The following TTBK2 variants were observed in gnomAD, a reference collection of about 807,000 sequenced individuals.
TTBK2 encodes the protein tau tubulin kinase 2.
In TTBK2, 28 loss-of-function variants were observed where a neutral mutation model predicts 110.8. The observed-to-expected ratio is 0.25, with a 90% CI of 0.19 to 0.35. TTBK2 has a LOEUF of 0.35. TTBK2 is among the 10% of genes least tolerant of loss of function. The pLI, the probability that TTBK2 is intolerant of heterozygous loss-of-function variation, is 1.00. For synonymous variants in TTBK2, 532 were observed against 527.3 expected (o/e 1.01, Z -0.12); for missense variants, 1,369 against 1,500.3 (o/e 0.91, Z 1.45).
chr15:42,862,362 C>T (rs1894191644), intron 3 of TTBK2, among the ~76,000 whole-genome samples: 1 of 152,172 alleles, frequency 6.6e-6, no homozygotes, highest in African/African-American at 2.4e-5. Context: ...CCAAATCCAG[C>T]AGCACATCCA....
At chr15:42,753,473 C>A (rs1431656066) in intron 13 of TTBK2, among the ~76,000 whole-genome samples, 1 of 152,172 alleles carries the variant, frequency 6.6e-6, no homozygotes, top group Non-Finnish European at 1.5e-5. Context: ...AGGTTTATCC[C>A]TGCCCCTTCT....
In TTBK2 at chr15:42,854,647, G is replaced by GA. The variant is rs11347978; in HGVS notation, c.218-14215dup. Among the ~76,000 whole-genome samples the GA allele has an allele frequency of 9.2e-3, 1,122 of 121,430 alleles. 3 individuals are homozygous for GA. The highest frequency in any genetic ancestry group is 0.015 in the South Asian group (59 of 3,830). The allele number at this position is 121,430 out of a possible 152,430, so 79.7% of individuals were successfully genotyped here. A position where few individuals can be genotyped will look rare whatever the true frequency, so the allele number is the denominator to read the frequency against. ...ACATTAGACCAACCTATATGCAAGAGAAAAAAAAAAAAAACCTCAAATCCT... is the reference window on the plus strand; with the variant it reads ...ACATTAGACCAACCTATATGCAAGAGAAAAAAAAAAAAAAACCTCAAATCCT... On this transcript the variant is annotated intron_variant, in intron 3 of 14. Transcript: ENST00000267890.
intron 13 of TTBK2, among the ~76,000 whole-genome samples, chr15:42,759,537 A>C (rs879711276): frequency 6.6e-6 from 1 of 152,208 alleles, no homozygotes; most frequent in African/African-American, 2.4e-5. Flanking sequence ...TGGCTGACCC[A>C]CTTGTCTGCA....
At chr15:42,783,319 G>T in intron 11 of TTBK2, 100 bp downstream of exon 11, 1 of 1,153,314 alleles carries the variant, frequency 8.7e-7, no homozygotes, top group Non-Finnish European at 1.3e-6. Flanking sequence ...CCACAAAACA[G>T]CCCTCACCAG....
intron 3 of TTBK2, among the ~76,000 whole-genome samples, chr15:42,844,098 G>A (rs1406024879): frequency 1.3e-5 from 2 of 152,134 alleles, no homozygotes; most frequent in Non-Finnish European, 2.9e-5. Flanking sequence ...TAAACTCTCT[G>A]CTGCAACACC....
At chr15:42,898,540 A>T (rs1006317922) in intron 1 of TTBK2, among the ~76,000 whole-genome samples, 1 of 152,142 alleles carries the variant, frequency 6.6e-6, no homozygotes, top group African/African-American at 2.4e-5. Flanking sequence ...AAAAGAAAAA[A>T]AAAGCATTGA....
intron 1 of TTBK2, among the ~76,000 whole-genome samples, chr15:42,908,686 C>T (rs575958000): frequency 2.5e-4 from 38 of 152,244 alleles, no homozygotes; most frequent in South Asian, 8.3e-4. Flanking sequence ...AGGGAATGTA[C>T]TTTGAAAATG....
intron 3 of TTBK2, among the ~76,000 whole-genome samples, chr15:42,851,886 A>T (rs1893730596): frequency 6.6e-6 from 1 of 151,950 alleles, no homozygotes; most frequent in Non-Finnish European, 1.5e-5. Flanking sequence ...GACCATTTAC[A>T]CTCTTAAAAA....
At chr15:42,847,865 T>C (rs1893531721) in intron 3 of TTBK2, among the ~76,000 whole-genome samples, 1 of 152,238 alleles carries the variant, frequency 6.6e-6, no homozygotes, top group Admixed American at 6.5e-5. Context: ...TTATATTTTA[T>C]ATTTTTAGAC....
At chr15:42,813,664 G>A (rs750843005) in intron 7 of TTBK2, among the ~76,000 whole-genome samples, 1 of 152,104 alleles carries the variant, frequency 6.6e-6, no homozygotes, top group Non-Finnish European at 1.5e-5. Context: ...AGGCAACACA[G>A]TGAAACCCCG....
intron 3 of TTBK2, among the ~76,000 whole-genome samples, chr15:42,847,882 TC>T (rs1371471308): frequency 2.0e-5 from 3 of 152,240 alleles, no homozygotes; most frequent in African/African-American, 7.2e-5. Flanking sequence ...AGACAGGATC[TC>T]ACTTTGTCAC....
rs766215060 is a variant in TTBK2 at position 42,827,937 on chromosome 15, G to A, written c.528C>T (p.Asp176=). 12 of 1,612,702 alleles carry A rather than the reference G, an allele frequency of 7.4e-6. No individual in the cohort carries two copies. Among genetic ancestry groups the A allele is most frequent in the South Asian group, 1.1e-5 (1 of 91,024 alleles). ...ATATGAAAAATCTTACTGGTCTGAC[G>A]TCACCACAGGAATTGGTAAATTGTC... ...LARQFTNSCG[D]VRPPRAVAGF... is the part of the protein sequence containing the mutation. The change falls in exon 6 of 15, where the codon GAC becomes GAT. Residue 176 remains aspartate, a synonymous_variant. Coordinates refer to ENST00000267890, the MANE Select transcript of TTBK2 (RefSeq NM_173500.4).
chr15:42,816,085 A>AATATATATATATATATATAT (rs71431870), intron 7 of TTBK2, among the ~76,000 whole-genome samples: 4 of 67,444 alleles, frequency 5.9e-5, no homozygotes, highest in East Asian at 1.1e-3. Flanking sequence ...TAAATAAATA[A>AATATATATATATATATATAT]ATATATATAT....
intron 3 of TTBK2, chr15:42,854,981 G>A (rs960841356): frequency 6.6e-6 from 1 of 152,130 alleles, no homozygotes. Context: ...ACTTTGTGCT[G>A]TTATTTTGCC....
chr15:42,848,648 G>A (rs1893569833), intron 3 of TTBK2, among the ~76,000 whole-genome samples: 1 of 152,050 alleles, frequency 6.6e-6, no homozygotes, highest in East Asian at 1.9e-4. Flanking sequence ...GCACCACCAT[G>A]CTCGGCTAAT....
At chr15:42,853,193 G>A (rs1185708492) in intron 3 of TTBK2, among the ~76,000 whole-genome samples, 1 of 152,052 alleles carries the variant, frequency 6.6e-6, no homozygotes, top group East Asian at 1.9e-4. Flanking sequence ...TCCTGTAACA[G>A]TAACCAACTC....
At chr15:42,909,109 G>A (rs927346859) in intron 1 of TTBK2, among the ~76,000 whole-genome samples, 4 of 152,088 alleles carry the variant, frequency 2.6e-5, no homozygotes, top group Non-Finnish European at 4.4e-5. Context: ...ATTCTGTTTT[G>A]TTGTTGTTGT....
chr15:42,775,094 G>A (rs990479528), intron 13 of TTBK2, 41 bp downstream of exon 13: 3 of 1,589,634 alleles, frequency 1.9e-6, no homozygotes, highest in Non-Finnish European at 2.6e-6. Flanking sequence ...ATAGCACCTT[G>A]AGTGGATAAC....
intron 3 of TTBK2, among the ~76,000 whole-genome samples, chr15:42,850,900 A>G (rs1394592939): frequency 6.6e-6 from 1 of 152,022 alleles, no homozygotes; most frequent in African/African-American, 2.4e-5. Flanking sequence ...AAAAAGAAGC[A>G]GTTTGCAGGT....
Sources: allele counts gnomAD v4.1 joint callset (sites outside exome capture counted in the v4.1 genomes callset), GRCh38; gene constraint gnomAD v4.1.1; transcripts MANE v1.5; gene names NCBI Gene and HGNC (gene_info 2026-07-23, HGNC 2026-07-21).